NPC1L1: variants seen among roughly 807,000 people sequenced by gnomAD.
NPC1L1 encodes NPC1-like intracellular cholesterol transporter 1.
In NPC1L1, 98 loss-of-function variants were observed where a neutral mutation model predicts 117.0. The observed-to-expected ratio is 0.84, with a 90% confidence interval of 0.71 to 0.99. The LOEUF (loss-of-function observed/expected upper bound fraction) is 0.99. Among genes scored for constraint, NPC1L1 ranks in the 50% least tolerant of loss-of-function variants. NPC1L1 has a pLI of 0.00. For missense variants in NPC1L1, 1,540 were observed against 1,710.0 expected, an observed-to-expected ratio of 0.90 and a Z score of 1.75; for synonymous variants, 729 against 727.6, an observed-to-expected ratio of 1.00 and a Z score of -0.03.
chr7:44,515,606 C>CA (rs936441510), intron 18 of NPC1L1, among the ~76,000 whole-genome samples, 197 bp downstream of exon 18: 10 of 151,952 alleles, frequency 6.6e-5, no homozygotes, highest in Non-Finnish European at 1.0e-4. Context: ...ACATAGCTGA[C>CA]AAAAAAAGAT....
rs926652114 is a variant in NPC1L1 at position 44,534,016 on chromosome 7, C to A, written c.2167-163G>T. On this transcript the variant is annotated intron_variant, in intron 6 of 18. Transcript: ENST00000381160. The surrounding 1 kb of genome is among the most constrained non-coding windows in gnomAD (Gnocchi z 5.2). ...TCTCATACTCTCCATGGCCAATATT[C>A]TTCTTCCAGGGTCTGGCTGGGAGAA... is the stretch of plus-strand genomic sequence containing the variant. Among the ~76,000 whole-genome samples the A allele has an allele frequency of 6.6e-6, 1 of 152,226 alleles. No individual in the cohort carries two copies. Among genetic ancestry groups the A allele is most frequent in the African/African-American group, 2.4e-5 (1 of 41,464 alleles).
intron 10 of NPC1L1, among the ~76,000 whole-genome samples, chr7:44,527,183 G>A (rs752083587): frequency 2.0e-5 from 3 of 152,036 alleles, no homozygotes; most frequent in African/African-American, 4.8e-5. Flanking sequence ...GACAGGCCAG[G>A]CATGGTGGCT....
chr7:44,540,268 T>C lies in NPC1L1; in HGVS notation c.129A>G (p.Pro43=), dbSNP rs780025952. 1.5e-5 allele frequency: 24 copies of C among 1,613,942 alleles called. No homozygotes were observed. In the South Asian group the frequency reaches 2.6e-4, roughly 18 times the overall value. The change falls in exon 2 of 19, where the codon CCA becomes CCG. Residue 43 remains proline (P), a synonymous_variant. Coordinates refer to ENST00000381160, the MANE Select transcript of NPC1L1 (RefSeq NM_001101648.2). The stretch of plus-strand genomic sequence containing the variant: ...GTGTCATGAGGCTTCCAGACAGCTC[T>C]GGGTTCTTCCCACATTCGTCATAGA... The part of the protein sequence containing the change: ...CAFYDECGKN[P]ELSGSLMTLS...
At chr7:44,533,635 G>A in intron 7 of NPC1L1, 77 bp from the exon 8 acceptor site, 1 of 1,610,870 alleles carries the variant, frequency 6.2e-7, no homozygotes, top group Non-Finnish European at 8.5e-7. Context: ...AGGGTGCAGG[G>A]GGAAGGGAAT....
intron 18 of NPC1L1, among the ~76,000 whole-genome samples, chr7:44,514,816 A>G (rs1173478152): frequency 1.3e-5 from 2 of 152,112 alleles, no homozygotes; most frequent in Non-Finnish European, 2.9e-5. Context: ...AGCCTGCCCA[A>G]CATGGTGAAA....
chr7:44,526,852 C>T (rs1052355200), intron 10 of NPC1L1, among the ~76,000 whole-genome samples: 2 of 151,686 alleles, frequency 1.3e-5, no homozygotes, highest in East Asian at 2.0e-4. Context: ...GGTAAAACCC[C>T]GTCTCTATTA....
rs10264715 is a variant in NPC1L1 at position 44,515,807 on chromosome 7, G to A, written c.3792C>T (p.Tyr1264=). ...GGAACAGGCCTGGGCACTCACCCAC[G>A]TAGCTGAGGATGACGGGCAGGAAGA... ...GLVFLPVILS[Y]VGPDVNPALA... Residue 1264 remains tyrosine, a synonymous_variant, in exon 18 of 19, where the codon TAC becomes TAT. Transcript: ENST00000381160. The A allele has an allele frequency of 0.2, 325,801 of 1,613,972 alleles. 36,381 individuals carry two copies. The highest frequency in any genetic ancestry group is 0.23 in the Non-Finnish European group (268,369 of 1,179,920).
chr7:44,536,028 T>A lies in NPC1L1; in HGVS notation c.1855-60A>T. On this transcript the variant is annotated intron_variant, in intron 4 of 18. Coordinates refer to ENST00000381160, the MANE Select transcript of NPC1L1 (RefSeq NM_001101648.2). This position sits in a 1 kb window ranked among gnomAD's most constrained non-coding sequence, Gnocchi z 4.7. ...GTGCCTGCTTCAGCCAGGCCAGCTC[T>A]CAATAGCTCGGTCACTGGGCACTAA... is the stretch of plus-strand genomic sequence containing the variant. 6.2e-7 allele frequency: 1 copy of A among 1,611,464 alleles called. No individual in the cohort carries two copies. Among genetic ancestry groups the A allele is most frequent in the Non-Finnish European group, 8.5e-7 (1 of 1,179,610 alleles).
intron 10 of NPC1L1, among the ~76,000 whole-genome samples, chr7:44,529,110 A>AACACACACACACACACACACAC (rs59108479): frequency 8.1e-6 from 1 of 123,012 alleles, no homozygotes. Context: ...GAATGAATTA[A>AACACACACACACACACACACAC]ACACACACAC....
At position 44,540,341 on chromosome 7, in the gene NPC1L1, G is replaced by T; in HGVS notation, c.56C>A (p.Ala19Asp). 6.2e-7 allele frequency: 1 copy of T among 1,611,670 alleles called. No individual in the cohort carries two copies. The highest frequency in any genetic ancestry group is 8.5e-7 in the Non-Finnish European group (1 of 1,179,964). The change falls in exon 2 of 19, where the codon GCC becomes GAC. Residue 19 changes from alanine (A) to aspartate (D), a missense_variant and splice_region_variant. Around this residue, in one of 3 missense-constraint regions of NPC1L1, gnomAD observed 793 missense variants for 820.4 expected, o/e 0.97. Transcript: ENST00000381160. ...WLLWALLLRL[A>D]QSEPYTTIHQ... is the part of the protein sequence containing the mutation. ...GATGGTTGTGTAAGGCTCACTCTGG[G>T]CCTGCAGAGCACAGCAACATCACGC...
chr7:44,532,525 C>A (rs996178873), intron 8 of NPC1L1, among the ~76,000 whole-genome samples: 3 of 152,172 alleles, frequency 2.0e-5, no homozygotes, highest in Admixed American at 6.5e-5. Context: ...CTCTGCCGCC[C>A]CTGAAACAGC....
chr7:44,518,860 C>A (rs151276765), intron 14 of NPC1L1, among the ~76,000 whole-genome samples: 3 of 152,242 alleles, frequency 2.0e-5, no homozygotes, highest in East Asian at 1.9e-4. Context: ...AGTTCACACA[C>A]AAATGCCCAG....
At position 44,534,194 on chromosome 7, in the gene NPC1L1, G is replaced by T. The variant is rs111598207; in HGVS notation, c.2166+253C>A. Among the ~76,000 whole-genome samples the T allele has an allele frequency of 2.3e-3, 349 of 152,344 alleles. No individual in the cohort carries two copies. The highest frequency in any genetic ancestry group is 4.1e-3 in the South Asian group (20 of 4,828). Reference sequence around the variant, plus strand: ...CATAAAGACAGGAGGAGGCTGTAATGTACTAACATGGAGAGGTTTTACTAG... The same window carrying T: ...CATAAAGACAGGAGGAGGCTGTAATTTACTAACATGGAGAGGTTTTACTAG... On this transcript the variant is annotated intron_variant, in intron 6 of 18. Transcript: ENST00000381160. This position sits in a 1 kb window ranked among gnomAD's most constrained non-coding sequence, Gnocchi z 5.2.
rs1801904603 is a variant in NPC1L1, at chr7:44,536,663, A to G, written c.1681+179T>C. 6.6e-6 allele frequency among the ~76,000 whole-genome samples: 1 copy of G among 152,128 alleles called. No individual in the cohort carries two copies. The highest frequency in any genetic ancestry group is 1.5e-5 in the Non-Finnish European group (1 of 68,010). ...AAAACCACAGTGCCTGAGTAACACT[A>G]CTAGAAGATAAAGGAGATGGCAGAG... On this transcript the variant is annotated intron_variant, in intron 3 of 18. Transcript: ENST00000381160. This position sits in a 1 kb window ranked among gnomAD's most constrained non-coding sequence, Gnocchi z 4.7.
Position 44,539,206 on chromosome 7 carries a change from A to G in NPC1L1, c.1191T>C (p.His397=). 6.2e-7 allele frequency: 1 copy of G among 1,614,098 alleles called. No individual in the cohort carries two copies. Residue 397 remains histidine, a synonymous_variant, in exon 2 of 19, where the codon CAT becomes CAC. Transcript: ENST00000381160. This position sits in a 1 kb window ranked among gnomAD's most constrained non-coding sequence, Gnocchi z 4.4. ...NSQARSEKAF[H]DQHFGPFFRT... ...GGAAGAAGGGGCCGAAATGCTGGTC[A>G]TGGAAAGCTTTCTCACTCCGGGCTT...
At chr7:44,533,977 G>A in intron 6 of NPC1L1, 124 bp from the exon 7 acceptor site, 1 of 751,758 alleles carries the variant, frequency 1.3e-6, no homozygotes. Context: ...TGACCTTCCT[G>A]AATCATCAGA....
chr7:44,537,177 A>C (rs1221959738), intron 2 of NPC1L1, among the ~76,000 whole-genome samples: 3 of 152,090 alleles, frequency 2.0e-5, no homozygotes, highest in Non-Finnish European at 2.9e-5. Context: ...GCAGGCCCCC[A>C]CCCACGGAGT....
Position 44,540,173 on chromosome 7 carries a change from T to C in NPC1L1, c.224A>G (p.Gln75Arg). 6.2e-7 allele frequency: 1 copy of C among 1,613,902 alleles called. No homozygotes were observed. The highest frequency in any genetic ancestry group is 8.5e-7 in the Non-Finnish European group (1 of 1,179,982). The change falls in exon 2 of 19, where the codon CAG (glutamine) becomes CGG (arginine). Residue 75 changes from glutamine (Q) to arginine (R), a missense_variant. Physicochemically the swap from Gln to Arg is conservative, Grantham distance 43 (BLOSUM62 1). Transcript: ENST00000381160. ...GGTGTAGAGGCGGGGGCAGATCTTC[T>C]GTAATAGGATCAGGTGATCACCTGT... ...KITGDHLILLQKICPRLYTGP... is the reference protein window; with the variant it reads ...KITGDHLILLRKICPRLYTGP...
intron 10 of NPC1L1, among the ~76,000 whole-genome samples, chr7:44,531,087 T>C (rs1220449901): frequency 6.6e-6 from 1 of 152,222 alleles, no homozygotes; most frequent in Non-Finnish European, 1.5e-5. Flanking sequence ...CAGACTTTGT[T>C]GTCTGTGGCT....
Sources: allele counts gnomAD v4.1 joint callset (sites outside exome capture counted in the v4.1 genomes callset), GRCh38; gene constraint gnomAD v4.1.1; regional missense constraint gnomAD v4.1.1; non-coding constraint Gnocchi (gnomAD v3.1); transcripts MANE v1.5; gene names NCBI Gene and HGNC (gene_info 2026-07-23, HGNC 2026-07-21).